Variants in HSD17B12 observed in about 807,000 individuals in gnomAD.
The protein encoded by HSD17B12 is hydroxysteroid 17-beta dehydrogenase 12, also known as very-long-chain 3-oxoacyl-CoA reductase.
In HSD17B12, 32 loss-of-function variants were observed where a neutral mutation model predicts 39.3. The ratio of observed to expected loss-of-function variants is 0.81; its 90% confidence interval spans 0.61 to 1.09. The LOEUF (loss-of-function observed/expected upper bound fraction) is 1.09. Ranked by LOEUF, HSD17B12 falls within the 50% of genes least tolerant of loss-of-function variation. HSD17B12 has a pLI of 0.00. For synonymous variants in HSD17B12, 150 were observed against 146.7 expected (o/e 1.02, Z -0.16); for missense variants, 342 against 382.9 (o/e 0.89, Z 0.89).
chr11:43,789,427 A>C (rs1365919459), intron 3 of HSD17B12, among the ~76,000 whole-genome samples: 2 of 152,198 alleles, frequency 1.3e-5, no homozygotes, highest in Non-Finnish European at 1.5e-5. Context: ...AAAGAGCAAA[A>C]AACAGACACA....
chr11:43,566,282 G>C, the HSD17B12 span, among the ~76,000 whole-genome samples: 4 of 152,100 alleles, frequency 2.6e-5, no homozygotes, highest in Non-Finnish European at 4.4e-5. Flanking sequence ...AGCAGAAAAG[G>C]GGTGAGGAGC....
chr11:43,723,938 C>T (rs1222340457), intron 1 of HSD17B12: 2 of 150,278 alleles, frequency 1.3e-5, no homozygotes, highest in Non-Finnish European at 3.0e-5. Context: ...TTGATTTGTT[C>T]ATACAACTGT....
chr11:43,768,474 G>A (rs1950617601), intron 3 of HSD17B12, among the ~76,000 whole-genome samples: 1 of 152,040 alleles, frequency 6.6e-6, no homozygotes, highest in Non-Finnish European at 1.5e-5. Flanking sequence ...GTTCCTTCTG[G>A]TGGGTTCTTG....
At chr11:43,667,651 A>G in the HSD17B12 span, among the ~76,000 whole-genome samples, 57,695 of 152,090 alleles carry the variant, frequency 0.38, 12,343 homozygotes, top group East Asian at 0.73. Context: ...TCTAAACACG[A>G]AATTCATTCA....
At chr11:43,768,756 A>G (rs753371610) in intron 3 of HSD17B12, among the ~76,000 whole-genome samples, 3 of 152,148 alleles carry the variant, frequency 2.0e-5, no homozygotes, top group Non-Finnish European at 4.4e-5. Context: ...ACAGAAGGAG[A>G]CCAGAGCGGG....
the HSD17B12 span, among the ~76,000 whole-genome samples, chr11:43,598,489 C>T: frequency 2.0e-5 from 3 of 151,982 alleles, no homozygotes; most frequent in African/African-American, 4.8e-5. Context: ...AGTATGTGCC[C>T]ATAGGAAAGT....
chr11:43,685,382 G>A (rs542296087), intron 1 of HSD17B12, among the ~76,000 whole-genome samples: 6 of 152,324 alleles, frequency 3.9e-5, no homozygotes, highest in African/African-American at 1.2e-4. Flanking sequence ...AAGAATACTT[G>A]TGTAACTAGA....
chr11:43,720,386 A>G (rs1389725201), intron 1 of HSD17B12, among the ~76,000 whole-genome samples: 1 of 152,234 alleles, frequency 6.6e-6, no homozygotes, highest in Non-Finnish European at 1.5e-5. Context: ...TAATTGTTAA[A>G]TTAGGTAAAT....
intron 1 of HSD17B12, among the ~76,000 whole-genome samples, chr11:43,695,589 C>T (rs1317695550): frequency 1.3e-5 from 2 of 152,030 alleles, no homozygotes; most frequent in African/African-American, 4.8e-5. Flanking sequence ...AAAAAAAAAT[C>T]TTTATTATGA....
At chr11:43,561,436 A>G in the HSD17B12 span, among the ~76,000 whole-genome samples, 1 of 152,142 alleles carries the variant, frequency 6.6e-6, no homozygotes, top group East Asian at 1.9e-4. Context: ...TAAAAAGAGT[A>G]TTTTTCCTGC....
the HSD17B12 span, chr11:43,670,409 T>C: frequency 2.0e-5 from 3 of 152,240 alleles, no homozygotes; most frequent in Non-Finnish European, 4.4e-5. Context: ...TAAGCATATA[T>C]ATTTAAAAGC....
the HSD17B12 span, among the ~76,000 whole-genome samples, chr11:43,658,466 A>G: frequency 6.6e-6 from 1 of 151,876 alleles, no homozygotes; most frequent in Non-Finnish European, 1.5e-5. Context: ...GAGGAGAGGC[A>G]CTCTGATTTT....
At chr11:43,734,865 ATC>A (rs1296805214) in intron 1 of HSD17B12, among the ~76,000 whole-genome samples, 1 of 152,062 alleles carries the variant, frequency 6.6e-6, no homozygotes, top group East Asian at 1.9e-4. Context: ...TTTCACCTCT[ATC>A]TAGTTTCAAG....
chr11:43,731,780 G>C (rs922516976), intron 1 of HSD17B12, among the ~76,000 whole-genome samples: 2 of 152,120 alleles, frequency 1.3e-5, no homozygotes, highest in African/African-American at 4.8e-5. Flanking sequence ...GCTCTAGGAG[G>C]CATCATGAAT....
At chr11:43,698,112 A>G (rs577476187) in intron 1 of HSD17B12, among the ~76,000 whole-genome samples, 37 of 152,252 alleles carry the variant, frequency 2.4e-4, no homozygotes, top group African/African-American at 8.4e-4. Context: ...CAGACAAGAA[A>G]GAGATAGGAG....
chr11:43,595,662 CA>C, the HSD17B12 span, among the ~76,000 whole-genome samples: 26 of 150,706 alleles, frequency 1.7e-4, no homozygotes, highest in East Asian at 3.9e-4. Flanking sequence ...TTAACACCAA[CA>C]AAAAAAAATG....
chr11:43,563,269 C>T, the HSD17B12 span, among the ~76,000 whole-genome samples: 2 of 152,162 alleles, frequency 1.3e-5, no homozygotes, highest in Non-Finnish European at 2.9e-5. Flanking sequence ...TTGTAGCACT[C>T]GTAGTCCAGA....
At chr11:43,745,007 A>C (rs1950400805) in intron 1 of HSD17B12, among the ~76,000 whole-genome samples, 1 of 152,230 alleles carries the variant, frequency 6.6e-6, no homozygotes, top group Admixed American at 6.5e-5. Flanking sequence ...GGAGAGACTC[A>C]GTCCTGAGCT....
At chr11:43,779,707 G>T (rs778824161) in intron 3 of HSD17B12, among the ~76,000 whole-genome samples, 1 of 152,236 alleles carries the variant, frequency 6.6e-6, no homozygotes, top group African/African-American at 2.4e-5. Context: ...TTAACTTTCA[G>T]TCTTTGCCTT....
Sources: gnomAD v4.1 joint callset for allele counts (sites outside exome capture counted in the v4.1 genomes callset) on GRCh38, gnomAD v4.1.1 for gene constraint, MANE v1.5 for transcripts, NCBI Gene and HGNC (gene_info 2026-07-23, HGNC 2026-07-21) for gene names.